MMP16: variants seen among roughly 807,000 people sequenced by gnomAD.
MMP16 encodes matrix metalloproteinase-16.
Under a neutral mutation model 67.8 loss-of-function variants are expected in MMP16, and 12 were observed. The ratio of observed to expected loss-of-function variants is 0.18; its 90% CI spans 0.11 to 0.29. The LOEUF (loss-of-function observed/expected upper bound fraction) is 0.29. Ranked by LOEUF, MMP16 falls within the 10% of genes least tolerant of loss-of-function variation. The pLI, the probability that MMP16 is intolerant of heterozygous loss-of-function variation, is 1.00. For synonymous variants in MMP16, 249 were observed against 255.9 expected (o/e 0.97, Z 0.26); for missense variants, 475 against 765.7 (o/e 0.62, Z 4.48).
At chr8:88,111,917 T>A (rs747386417) in intron 6 of MMP16, among the ~76,000 whole-genome samples, 1 of 151,760 alleles carries the variant, frequency 6.6e-6, no homozygotes, top group Admixed American at 6.6e-5. Flanking sequence ...CAGTGTGTGA[T>A]AAATGAACAG....
At chr8:88,292,444 G>A (rs1244913231) in intron 1 of MMP16, among the ~76,000 whole-genome samples, 1 of 152,118 alleles carries the variant, frequency 6.6e-6, no homozygotes, top group Non-Finnish European at 1.5e-5. Context: ...AGGGGCCCTC[G>A]CCACTAGGTG....
intron 4 of MMP16, among the ~76,000 whole-genome samples, chr8:88,159,495 A>G (rs1473299381): frequency 6.6e-6 from 1 of 152,038 alleles, no homozygotes; most frequent in East Asian, 1.9e-4. Flanking sequence ...AATGCTTGTG[A>G]TTTTTCACAT....
intron 6 of MMP16, among the ~76,000 whole-genome samples, chr8:88,111,397 A>G (rs1371651545): frequency 6.6e-6 from 1 of 151,754 alleles, no homozygotes; most frequent in Non-Finnish European, 1.5e-5. Context: ...ACTGCAGTAG[A>G]AATCTGGAAA....
At position 88,327,232 on chromosome 8, in the gene MMP16, C is replaced by A; in HGVS notation, c.-26G>T. 6.2e-7 allele frequency: 1 copy of A among 1,613,148 alleles called. No homozygotes were observed. Among genetic ancestry groups the A allele is most frequent in the Non-Finnish European group, 8.5e-7 (1 of 1,179,408 alleles). Reference sequence around the variant, plus strand: ...AGTGAACTGTGCTTCAATGGATGGACGAGCTCCCCTTCGTTTTCTCCCTCT... The same window carrying A: ...AGTGAACTGTGCTTCAATGGATGGAAGAGCTCCCCTTCGTTTTCTCCCTCT... On this transcript the variant is annotated 5_prime_UTR_variant, in exon 1 of 10. Transcript: ENST00000286614.
At chr8:88,104,667 T>C (rs556247894) in intron 6 of MMP16, among the ~76,000 whole-genome samples, 2 of 151,790 alleles carry the variant, frequency 1.3e-5, no homozygotes, top group African/African-American at 4.8e-5. Flanking sequence ...TTACACGTTT[T>C]ATCATTATTT....
rs1160345271 is a variant in MMP16 at position 88,038,941 on chromosome 8, T to C, written c.*2520A>G. The C allele has an allele frequency of 6.6e-6, 1 of 152,586 alleles. No homozygotes were observed. The highest frequency in any genetic ancestry group is 2.4e-5 in the African/African-American group (1 of 41,462). 9.5% of individuals were successfully genotyped at this position (152,586 alleles called of 1,614,324 possible). On this transcript the variant is annotated 3_prime_UTR_variant, in exon 10 of 10. Coordinates refer to ENST00000286614, the MANE Select transcript of MMP16 (RefSeq NM_005941.5). This position sits in a 1 kb window ranked among gnomAD's most constrained non-coding sequence, Gnocchi z 4.1. ...TCTTTTTTCTTAGGCTCATACTATATACGCTCAGGTTGTAAGAAATAACAA... is the reference window on the plus strand; with the variant it reads ...TCTTTTTTCTTAGGCTCATACTATACACGCTCAGGTTGTAAGAAATAACAA...
Position 88,074,690 on chromosome 8 carries a change from C to T in MMP16, c.1137G>A (p.Met379Ile). 6.2e-7 allele frequency: 1 copy of T among 1,613,684 alleles called. No homozygotes were observed. The highest frequency in any genetic ancestry group is 8.5e-7 in the Non-Finnish European group (1 of 1,179,736). ...AGCCCCGCCAGAAGTAAGTAATTTG[C>T]ATTGGGTATCCATCCATCACCCTGT... The part of the protein sequence containing the change: ...RNNRVMDGYP[M>I]QITYFWRGLP... The change falls in exon 7 of 10, where the codon ATG (methionine) becomes ATA (isoleucine). Residue 379 changes from methionine (M) to isoleucine (I), a missense_variant. Met to Ile is a conservative substitution (Grantham distance 10). Coordinates refer to ENST00000286614, the MANE Select transcript of MMP16 (RefSeq NM_005941.5).
At chr8:88,170,540 A>G (rs1235222884) in intron 3 of MMP16, among the ~76,000 whole-genome samples, 1 of 152,224 alleles carries the variant, frequency 6.6e-6, no homozygotes, top group Non-Finnish European at 1.5e-5. Context: ...CACATCATTG[A>G]AAGAACTTAC....
intron 1 of MMP16, among the ~76,000 whole-genome samples, chr8:88,274,346 T>C (rs1179786565): frequency 6.6e-6 from 1 of 152,154 alleles, no homozygotes; most frequent in Admixed American, 6.5e-5. Flanking sequence ...TATTACCCAA[T>C]CCTGCAGGTG....
At chr8:88,266,052 G>C (rs1810472080) in intron 1 of MMP16, among the ~76,000 whole-genome samples, 1 of 152,176 alleles carries the variant, frequency 6.6e-6, no homozygotes, top group South Asian at 2.1e-4. Context: ...CTGGCATTCT[G>C]CAAGGGACAT....
At chr8:88,158,561 A>G (rs1301685537) in intron 4 of MMP16, among the ~76,000 whole-genome samples, 2 of 152,306 alleles carry the variant, frequency 1.3e-5, no homozygotes, top group East Asian at 3.9e-4. Context: ...GATTCTGCAT[A>G]TTAGCCCTTT....
Position 88,201,623 on chromosome 8 carries a change from A to G in MMP16, c.133-4317T>C, listed in dbSNP as rs1331710702. On this transcript the variant is annotated intron_variant, in intron 1 of 9. Coordinates refer to ENST00000286614, the MANE Select transcript of MMP16 (RefSeq NM_005941.5). ...AATGTTTAAATCTATGATGTTTAAAATATATTCTGATATAATTAACTGACT... is the reference window on the plus strand; with the variant it reads ...AATGTTTAAATCTATGATGTTTAAAGTATATTCTGATATAATTAACTGACT... Among the ~76,000 whole-genome samples, 3 of 152,150 alleles carry G rather than the reference A, an allele frequency of 2.0e-5. No homozygotes were observed. The South Asian group carries it at 6.2e-4, about 31-fold the overall frequency.
intron 1 of MMP16, among the ~76,000 whole-genome samples, chr8:88,233,532 C>T (rs569431644): frequency 6.6e-6 from 1 of 152,304 alleles, no homozygotes; most frequent in South Asian, 2.1e-4. Flanking sequence ...CTAAGTGCTG[C>T]CTCTTTCATG....
chr8:88,120,369 C>A (rs1429072513), intron 4 of MMP16, among the ~76,000 whole-genome samples: 1 of 151,696 alleles, frequency 6.6e-6, no homozygotes, highest in Non-Finnish European at 1.5e-5. Context: ...ACATCTAATC[C>A]CAATGCTAAA....
At position 88,147,738 on chromosome 8, in the gene MMP16, CCT is replaced by C. The variant is rs145568871; in HGVS notation, c.709+19929_709+19930del. ...TTTCTATCTGTTGGTTTGGAAAAAT[CCT>C]CTCTTTGGTCCACAGTAGTTACTAT... On this transcript the variant is annotated intron_variant, in intron 4 of 9. Transcript: ENST00000286614. 7.9e-3 allele frequency among the ~76,000 whole-genome samples: 1,190 copies of C among 151,280 alleles called. 17 individuals carry two copies. Among genetic ancestry groups the C allele is most frequent in the Middle Eastern group, 0.075 (22 of 294 alleles).
At chr8:88,178,132 A>G (rs1380390220) in intron 3 of MMP16, among the ~76,000 whole-genome samples, 2 of 152,172 alleles carry the variant, frequency 1.3e-5, no homozygotes, top group Admixed American at 6.5e-5. Context: ...CTATTACTCA[A>G]TATCTTCCCA....
chr8:88,241,317 G>A (rs1052037630), intron 1 of MMP16, among the ~76,000 whole-genome samples: 1 of 151,788 alleles, frequency 6.6e-6, no homozygotes, highest in African/African-American at 2.4e-5. Flanking sequence ...CCTCTATGTC[G>A]CTTTTCTTAC....
At chr8:88,214,561 G>A (rs1809559241) in intron 1 of MMP16, among the ~76,000 whole-genome samples, 1 of 151,938 alleles carries the variant, frequency 6.6e-6, no homozygotes, top group South Asian at 2.1e-4. Context: ...ATGTTTTGAA[G>A]TAAGTATATA....
chr8:88,161,007 T>C (rs1011027374), intron 4 of MMP16, among the ~76,000 whole-genome samples: 5 of 152,280 alleles, frequency 3.3e-5, no homozygotes, highest in African/African-American at 1.2e-4. Flanking sequence ...TCTAAAATTC[T>C]CTTTTTTTGT....
Sources: gnomAD v4.1 joint callset for allele counts (sites outside exome capture counted in the v4.1 genomes callset) on GRCh38, gnomAD v4.1.1 for gene constraint, Gnocchi (gnomAD v3.1) non-coding constraint, MANE v1.5 for transcripts, NCBI Gene and HGNC (gene_info 2026-07-23, HGNC 2026-07-21) for gene names.